TGFBR3: variants seen among roughly 807,000 people sequenced by gnomAD.
TGFBR3 encodes transforming growth factor beta receptor 3.
TGFBR3 carries 46 observed loss-of-function variants against 87.9 expected under a neutral mutation model. That is an observed-to-expected ratio of 0.52 (90% confidence interval 0.41 to 0.67). TGFBR3 has a LOEUF of 0.67. TGFBR3 is among the 30% of genes least tolerant of loss of function. TGFBR3 has a pLI of 0.00. For missense variants in TGFBR3, 866 were observed against 1,041.9 expected (o/e 0.83, Z 2.32); for synonymous variants, 381 against 391.6 (o/e 0.97, Z 0.32).
chr1:91,749,013 G>A (rs1673442449), intron 4 of TGFBR3, among the ~76,000 whole-genome samples: 1 of 152,048 alleles, frequency 6.6e-6, no homozygotes, highest in South Asian at 2.1e-4. Flanking sequence ...CTCACATTGG[G>A]CCATGAGATT....
intron 1 of TGFBR3, among the ~76,000 whole-genome samples, chr1:91,899,890 T>C (rs1275340434): frequency 4.6e-5 from 7 of 151,024 alleles, no homozygotes; most frequent in Admixed American, 2.6e-4. Flanking sequence ...TTGAAGACTA[T>C]AGTGTGCTAT....
At chr1:91,819,311 T>C (rs912281547) in intron 2 of TGFBR3, among the ~76,000 whole-genome samples, 13 of 151,396 alleles carry the variant, frequency 8.6e-5, no homozygotes, top group African/African-American at 2.9e-4. Context: ...GGGGTTGCAG[T>C]GAGCTGAGAT....
chr1:91,704,093 C>T (rs894302984), intron 14 of TGFBR3, among the ~76,000 whole-genome samples: 6 of 151,920 alleles, frequency 3.9e-5, no homozygotes, highest in Non-Finnish European at 5.9e-5. Context: ...TTTGGGAGGC[C>T]GAGGTGGATG....
At chr1:91,744,632 C>T (rs889103426) in intron 4 of TGFBR3, among the ~76,000 whole-genome samples, 2 of 152,064 alleles carry the variant, frequency 1.3e-5, no homozygotes. Context: ...GACAGAAGTA[C>T]GTTAAAATGC....
chr1:91,795,272 A>G (rs1675335335), intron 3 of TGFBR3, among the ~76,000 whole-genome samples: 1 of 152,224 alleles, frequency 6.6e-6, no homozygotes, highest in Non-Finnish European at 1.5e-5. Context: ...CTGGCCCAAA[A>G]TCATACATAT....
At chr1:91,871,602 C>G (rs540137212) in intron 1 of TGFBR3, among the ~76,000 whole-genome samples, 42 of 152,068 alleles carry the variant, frequency 2.8e-4, no homozygotes, top group Non-Finnish European at 5.9e-4. Flanking sequence ...ACAGGGTGGT[C>G]AGAGAGGGCC....
Position 91,797,457 on chromosome 1 carries a change from C to T in TGFBR3, c.76G>A (p.Ala26Thr), listed in dbSNP as rs766050765. ...CLATAGPEPGALCELSPVSAS... is the reference protein window; with the variant it reads ...CLATAGPEPGTLCELSPVSAS... ...CTGACAGGTGACAGTTCACACAGTG[C>T]ACCAGGCTCTGGACCTGCCAAGGGA... Residue 26 changes from alanine to threonine, a missense_variant, in exon 3 of 17, where the codon GCA becomes ACA. By Grantham distance (58) the Ala-to-Thr change is moderately conservative. Coordinates refer to ENST00000212355, the MANE Select transcript of TGFBR3 (RefSeq NM_003243.5). 3 of 1,614,122 alleles carry T rather than the reference C, an allele frequency of 1.9e-6. No individual in the cohort carries two copies. The highest frequency in any genetic ancestry group is 2.2e-5 in the East Asian group (1 of 44,886).
At chr1:91,873,145 T>C (rs1395405463) in intron 1 of TGFBR3, among the ~76,000 whole-genome samples, 1 of 151,978 alleles carries the variant, frequency 6.6e-6, no homozygotes, top group Non-Finnish European at 1.5e-5. Flanking sequence ...CTTTTTAAGA[T>C]TTTTTTATGG....
chr1:91,741,392 CACGCCCCG>C, intron 4 of TGFBR3, among the ~76,000 whole-genome samples: 1 of 152,288 alleles, frequency 6.6e-6, no homozygotes, highest in East Asian at 1.9e-4. Context: ...GCCACTCCCC[CACGCCCCG>C]GCACCTCCAC....
At chr1:91,815,676 A>T (rs1676196971) in intron 2 of TGFBR3, among the ~76,000 whole-genome samples, 1 of 152,218 alleles carries the variant, frequency 6.6e-6, no homozygotes, top group Non-Finnish European at 1.5e-5. Context: ...CCTGGAGTTA[A>T]TACTACATAC....
chr1:91,865,186 G>A (rs1278206552), intron 1 of TGFBR3, among the ~76,000 whole-genome samples: 4 of 123,578 alleles, frequency 3.2e-5, no homozygotes, highest in Non-Finnish European at 6.3e-5. Context: ...CTGGACAACA[G>A]AGTGAGACTC....
intron 1 of TGFBR3, 29 bp from the exon 2 acceptor site, chr1:91,861,673 T>TAATGAAGAA: frequency 2.8e-6 from 2 of 701,850 alleles, no homozygotes; most frequent in Non-Finnish European, 5.3e-6. Context: ...TAAGAAAACT[T>TAATGAAGAA]AATGAAGAAA....
chr1:91,787,943 G>GGAAAAAAAAAAAAAAAAAAAAAAAAAAA (rs945269870), intron 3 of TGFBR3, among the ~76,000 whole-genome samples: 1 of 133,314 alleles, frequency 7.5e-6, no homozygotes, highest in African/African-American at 3.1e-5. Flanking sequence ...GTCTCACGGG[G>GGAAAAAAAAAAAAAAAAAAAAAAAAAAA]AAAAAAAAAA....
At chr1:91,898,490 G>A (rs957051939) in intron 2 of TGFBR3, among the ~76,000 whole-genome samples, 1 of 152,118 alleles carries the variant, frequency 6.6e-6, no homozygotes, top group South Asian at 2.1e-4. Flanking sequence ...AGGCTGGAGT[G>A]CAGTGGCGCG....
intron 4 of TGFBR3, among the ~76,000 whole-genome samples, chr1:91,746,179 G>A (rs375843209): frequency 1.3e-5 from 2 of 152,124 alleles, no homozygotes; most frequent in African/African-American, 2.4e-5. Flanking sequence ...ACTTGAACAT[G>A]AGCCAGTACA....
At chr1:91,761,343 A>C (rs1350578636) in intron 3 of TGFBR3, among the ~76,000 whole-genome samples, 1 of 152,182 alleles carries the variant, frequency 6.6e-6, no homozygotes, top group Non-Finnish European at 1.5e-5. Flanking sequence ...GATTTCTAGG[A>C]GCCACAGCTC....
At chr1:91,902,188 T>C in intron 1 of TGFBR3, among the ~76,000 whole-genome samples, 1 of 152,138 alleles carries the variant, frequency 6.6e-6, no homozygotes. Context: ...TTAGGTGCTC[T>C]CTTTCCAAAT....
chr1:91,727,855 T>G, intron 6 of TGFBR3, 49 bp from the exon 7 acceptor site: 1 of 1,606,720 alleles, frequency 6.2e-7, no homozygotes, highest in Non-Finnish European at 8.5e-7. Flanking sequence ...GCCAGAAAGT[T>G]GCAACTATCT....
chr1:91,875,822 A>G (rs1678779327), intron 1 of TGFBR3, among the ~76,000 whole-genome samples: 2 of 117,866 alleles, frequency 1.7e-5, no homozygotes, highest in African/African-American at 3.3e-5. Flanking sequence ...GAGGGAGGAG[A>G]ATTGCTTGAA....
Sources: gnomAD v4.1 joint callset for allele counts (sites outside exome capture counted in the v4.1 genomes callset) on GRCh38, gnomAD v4.1.1 for gene constraint, MANE v1.5 for transcripts, NCBI Gene and HGNC (gene_info 2026-07-23, HGNC 2026-07-21) for gene names.